Variants in LRP6 observed in about 807,000 individuals in gnomAD.
LRP6 encodes LDL receptor related protein 6.
A neutral mutation model predicts 184.1 loss-of-function variants in LRP6; 43 were observed. That is an observed-to-expected ratio of 0.23 (90% CI 0.18 to 0.30). LRP6 has a LOEUF of 0.30. LRP6 is among the 10% of genes least tolerant of loss of function. LRP6 has a pLI of 1.00. For synonymous variants in LRP6, 719 were observed against 684.9 expected (o/e 1.05, Z -0.78); for missense variants, 1,571 against 2,005.3 (o/e 0.78, Z 4.14).
intron 2 of LRP6, among the ~76,000 whole-genome samples, chr12:12,239,069 C>T (rs1864993289): frequency 6.6e-6 from 1 of 152,180 alleles, no homozygotes; most frequent in Admixed American, 6.5e-5. Flanking sequence ...TTGGTTTCTT[C>T]ACCCAAAGAA....
At chr12:12,189,220 A>G (rs778775238) in intron 3 of LRP6, among the ~76,000 whole-genome samples, 21 of 152,190 alleles carry the variant, frequency 1.4e-4, no homozygotes, top group Admixed American at 5.9e-4. Context: ...TACTGACACC[A>G]TTTCTGCAAG....
chr12:12,186,660 T>A (rs1863483464), intron 4 of LRP6: 1 of 283,402 alleles, frequency 3.5e-6, no homozygotes, highest in Admixed American at 4.8e-5. Context: ...GATTTTAACT[T>A]TTTTTTTTTT....
intron 7 of LRP6, among the ~76,000 whole-genome samples, chr12:12,167,750 T>C (rs564153243): frequency 6.0e-4 from 91 of 152,318 alleles, no homozygotes; most frequent in African/African-American, 1.9e-3. Context: ...TGGTAAACAC[T>C]GGTTCCTGTC....
At chr12:12,163,160 G>C (rs555385549) in intron 9 of LRP6, among the ~76,000 whole-genome samples, 1 of 152,102 alleles carries the variant, frequency 6.6e-6, no homozygotes, top group African/African-American at 2.4e-5. Context: ...ATTTTTAGTA[G>C]AGACGGGGTT....
At chr12:12,250,479 T>C (rs926674690) in intron 1 of LRP6, among the ~76,000 whole-genome samples, 18 of 148,748 alleles carry the variant, frequency 1.2e-4, no homozygotes, top group African/African-American at 4.1e-4. Flanking sequence ...TTACATGATA[T>C]TAGCTTTTTT....
At chr12:12,264,361 C>T (rs149193498) in intron 1 of LRP6, among the ~76,000 whole-genome samples, 3 of 152,236 alleles carry the variant, frequency 2.0e-5, no homozygotes, top group African/African-American at 7.2e-5. Context: ...GCGGACTAGA[C>T]CAGAACCACA....
Position 12,229,385 on chromosome 12 carries a change from A to AAAG in LRP6, c.449+14874_449+14876dup, listed in dbSNP as rs1213087844. 3.9e-5 allele frequency among the ~76,000 whole-genome samples: 4 copies of AAAG among 101,640 alleles called. 1 individual carries two copies. The highest frequency in any genetic ancestry group is 8.8e-3 in the Middle Eastern group (2 of 226). The allele number at this position is 101,640 out of a possible 152,430, so 66.7% of individuals were successfully genotyped here. A position where few individuals can be genotyped will look rare whatever the true frequency, so the allele number is the denominator to read the frequency against. On this transcript the variant is annotated intron_variant, in intron 2 of 22. Coordinates refer to ENST00000261349, the MANE Select transcript of LRP6 (RefSeq NM_002336.3). The stretch of plus-strand genomic sequence containing the variant: ...AACTCCATTTCAAAAAAAAAAAAAA[A>AAAG]AAGAAGAAGAAGAAGAATATCTCAC...
At chr12:12,238,689 TAAATACATTTTTAGAC>T (rs1864983481) in intron 2 of LRP6, among the ~76,000 whole-genome samples, 1 of 151,906 alleles carries the variant, frequency 6.6e-6, no homozygotes, top group Admixed American at 6.6e-5. Context: ...GAGGGCAAAA[TAAATACATTTTTAGAC>T]AAAGACCAAG....
chr12:12,254,022 T>C (rs374606241), intron 1 of LRP6, among the ~76,000 whole-genome samples: 36 of 151,054 alleles, frequency 2.4e-4, no homozygotes, highest in East Asian at 2.4e-3. Flanking sequence ...CACACACCTG[T>C]GGTCGCAGCT....
rs528924642 is a variant in LRP6, at chr12:12,140,612, T to C, written c.3398-2078A>G. 2.0e-3 allele frequency among the ~76,000 whole-genome samples: 273 copies of C among 136,776 alleles called. 6 individuals are homozygous for C. The highest frequency in any genetic ancestry group is 6.5e-3 in the African/African-American group (259 of 40,116). The allele number at this position is 136,776 out of a possible 152,430, so 89.7% of individuals were successfully genotyped here. On this transcript the variant is annotated intron_variant, in intron 15 of 22. Coordinates refer to ENST00000261349, the MANE Select transcript of LRP6 (RefSeq NM_002336.3). ...AGCATAGATTTTAAAAATCTTTTTT[T>C]TTTTTTTTTGAGACGGAGTTTTGCT...
intron 3 of LRP6, chr12:12,187,380 C>T (rs180697127): frequency 4.5e-5 from 22 of 484,240 alleles, no homozygotes; most frequent in African/African-American, 4.1e-4. Context: ...TACAAGATAC[C>T]CGGCAGAGAG....
intron 7 of LRP6, 85 bp from the exon 8 acceptor site, chr12:12,165,380 T>C: frequency 2.1e-6 from 2 of 940,926 alleles, no homozygotes; most frequent in Non-Finnish European, 3.5e-6. Flanking sequence ...GCCTGTTGTA[T>C]AAAAATCCAA....
At chr12:12,249,414 AGT>A in intron 1 of LRP6, 1 of 814,552 alleles carries the variant, frequency 1.2e-6, no homozygotes, top group Non-Finnish European at 2.1e-6. Flanking sequence ...CCTCAAGGAC[AGT>A]GTTACAGCAA....
intron 10 of LRP6, among the ~76,000 whole-genome samples, chr12:12,160,544 C>T (rs1478777423): frequency 6.6e-6 from 1 of 152,172 alleles, no homozygotes; most frequent in Admixed American, 6.6e-5. Context: ...ATGGTAAGAA[C>T]AACGACTCAC....
chr12:12,135,304 C>T lies in LRP6; in HGVS notation c.3608-4G>A. 6.3e-7 allele frequency: 1 copy of T among 1,582,404 alleles called. No individual in the cohort carries two copies. ...TCCTGAGCACAAGGGTGCTGTCCTG[C>T]AAAGAGAAGAGGTGAGGATGGGGAG... is the stretch of plus-strand genomic sequence containing the variant. On this transcript the variant is annotated splice_region_variant and splice_polypyrimidine_tract_variant and intron_variant, in intron 16 of 22. Transcript: ENST00000261349.
intron 11 of LRP6, 73 bp from the exon 12 acceptor site, chr12:12,159,228 G>T: frequency 8.8e-7 from 1 of 1,134,478 alleles, no homozygotes; most frequent in Non-Finnish European, 1.3e-6. Flanking sequence ...TGTCTTGCTG[G>T]CAAAAAGAAA....
rs1491483890 is a variant in LRP6, at chr12:12,131,098, T to TC, written c.3971-206_3971-205insG. On this transcript the variant is annotated intron_variant, in intron 18 of 22. Coordinates refer to ENST00000261349, the MANE Select transcript of LRP6 (RefSeq NM_002336.3). ...AAATCCAGCAGGAAATTTCCTAACA[T>TC]TTTTTTTTTTTTTTTTTTTTTTTTT... is the stretch of plus-strand genomic sequence containing the variant. Among the ~76,000 whole-genome samples the TC allele has an allele frequency of 7.8e-3, 268 of 34,450 alleles. 8 individuals are homozygous for TC. Among genetic ancestry groups the TC allele is most frequent in the African/African-American group, 0.016 (253 of 15,858 alleles). The allele number at this position is 34,450 out of a possible 152,430, so 22.6% of individuals were successfully genotyped here. A position where few individuals can be genotyped will look rare whatever the true frequency, so the allele number is the denominator to read the frequency against.
At chr12:12,227,125 C>T (rs558788299) in intron 2 of LRP6, among the ~76,000 whole-genome samples, 25 of 151,856 alleles carry the variant, frequency 1.6e-4, no homozygotes, top group Non-Finnish European at 2.9e-4. Context: ...GAGAATAGAG[C>T]GAAATATTTT....
intron 7 of LRP6, among the ~76,000 whole-genome samples, chr12:12,172,668 G>A (rs1034586711): frequency 6.6e-6 from 1 of 152,222 alleles, no homozygotes; most frequent in African/African-American, 2.4e-5. Context: ...AAGGAAGACA[G>A]ATATGACTGA....
Sources: gnomAD v4.1 joint callset for allele counts (sites outside exome capture counted in the v4.1 genomes callset) on GRCh38, gnomAD v4.1.1 for gene constraint, MANE v1.5 for transcripts, NCBI Gene and HGNC (gene_info 2026-07-23, HGNC 2026-07-21) for gene names.